The following MADD variants were observed in gnomAD, a reference collection of about 807,000 sequenced individuals.
MADD encodes MAP kinase-activating death domain protein.
In MADD, 109 loss-of-function variants were observed where a neutral mutation model predicts 176.7. The ratio of observed to expected loss-of-function variants is 0.62; its 90% confidence interval spans 0.53 to 0.72. MADD has a LOEUF of 0.72. MADD is among the 30% of genes least tolerant of loss of function. The pLI, the probability that MADD is intolerant of heterozygous loss-of-function variation, is 0.00. For synonymous variants in MADD, 771 were observed against 771.3 expected (o/e 1.00, Z 0.01); for missense variants, 1,914 against 2,045.5 (o/e 0.94, Z 1.24).
chr11:47,282,483 A>G, exon 9 of MADD: 2 of 1,614,204 alleles, frequency 1.2e-6, no homozygotes, highest in South Asian at 1.1e-5. Flanking sequence ...TAGCTTTTCA[A>G]GCTGGCTCCT....
chr11:47,304,233 C>CT lies in MADD; in HGVS notation c.3643-4344dup, dbSNP rs757249187. On this transcript the variant is annotated intron_variant, in intron 22 of 32. Transcript: ENST00000402192. ...TTGTAGTTCTCTATTGTATTTTTTC[C>CT]TTTTTTTTTTTTTTGAGACGGAGTT... Among the ~76,000 whole-genome samples, 228 of 139,808 alleles carry CT rather than the reference C, an allele frequency of 1.6e-3. 1 individual carries two copies. The highest frequency in any genetic ancestry group is 4.8e-3 in the South Asian group (21 of 4,380). 91.7% of individuals were successfully genotyped at this position (139,808 alleles called of 152,430 possible).
intron 22 of MADD, among the ~76,000 whole-genome samples, chr11:47,306,310 C>G (rs1413516199): frequency 6.6e-6 from 1 of 152,152 alleles, no homozygotes; most frequent in Non-Finnish European, 1.5e-5. Flanking sequence ...GTGGCTTAGC[C>G]TCAGGAATGA....
chr11:47,297,441 T>A (rs1404417985), intron 22 of MADD, among the ~76,000 whole-genome samples: 8 of 151,462 alleles, frequency 5.3e-5, no homozygotes, highest in South Asian at 4.2e-4. Flanking sequence ...AGGGGTTTTC[T>A]TTTCTTTTCT....
At chr11:47,303,130 C>T (rs1357321012) in intron 22 of MADD, among the ~76,000 whole-genome samples, 3 of 151,520 alleles carry the variant, frequency 2.0e-5, no homozygotes, top group African/African-American at 7.3e-5. Context: ...TTTCTTGCAG[C>T]GCTTTGAATA....
rs1565247990 is a variant in MADD, at chr11:47,273,947, ACTTG to A, written c.34_37del (p.Leu12ThrfsTer3). 1 of 1,614,006 alleles carries A rather than the reference ACTTG, an allele frequency of 6.2e-7. No homozygotes were observed. Reference sequence around the variant, plus strand: ...AAAAGAAGAAGTTCTGTCCTCGGTTACTTGACTATCTAGTGATCGTAGGGGCCAG... The same window carrying A: ...AAAAGAAGAAGTTCTGTCCTCGGTTAACTATCTAGTGATCGTAGGGGCCAG... On this transcript the variant is annotated frameshift_variant, in exon 2 of 33. Transcript: ENST00000402192. LOFTEE classifies it high-confidence loss of function.
chr11:47,302,811 TA>T (rs1236247203), intron 22 of MADD, among the ~76,000 whole-genome samples: 5 of 152,228 alleles, frequency 3.3e-5, no homozygotes, highest in African/African-American at 9.6e-5. Context: ...GTTTTCTGAT[TA>T]TTTTGTATGT....
intron 13 of MADD, 68 bp from the exon 14 acceptor site, chr11:47,285,383 A>G (rs1015367785): frequency 5.9e-5 from 94 of 1,603,068 alleles, no homozygotes; most frequent in Non-Finnish European, 7.7e-5. Flanking sequence ...GTATAGCATA[A>G]TTATGGCCCA....
intron 27 of MADD, among the ~76,000 whole-genome samples, chr11:47,319,462 C>CT: frequency 6.6e-6 from 1 of 152,056 alleles, no homozygotes. Context: ...CTTTGTTGCC[C>CT]TTTTTTTAGT....
At chr11:47,273,695 G>A in intron 1 of MADD, 132 bp from the exon 2 acceptor site, 1 of 476,726 alleles carries the variant, frequency 2.1e-6, no homozygotes, top group East Asian at 3.3e-5. Flanking sequence ...GGCTAGGCAA[G>A]CGTCAAGTTC....
chr11:47,328,425 G>A, intron 31 of MADD: 1 of 1,427,850 alleles, frequency 7.0e-7, no homozygotes, highest in Non-Finnish European at 9.1e-7. Context: ...AAACGCCACT[G>A]CGGATGACAG....
chr11:47,274,995 G>A (rs760169465), exon 3 of MADD: 18 of 1,614,182 alleles, frequency 1.1e-5, no homozygotes, highest in Admixed American at 8.3e-5. Flanking sequence ...GGGCCAAGGC[G>A]GGGAGCCGCT....
chr11:47,285,114 T>C (rs938438431), exon 13 of MADD: 2 of 1,613,876 alleles, frequency 1.2e-6, no homozygotes, highest in Non-Finnish European at 1.7e-6. Flanking sequence ...AGCCCCAATA[T>C]GGCTTTCCCC....
chr11:47,282,875 A>G lies in MADD; in HGVS notation c.1768A>G (p.Ile590Val). The G allele has an allele frequency of 2.5e-6, 4 of 1,614,078 alleles. No homozygotes were observed. The highest frequency in any genetic ancestry group is 3.4e-6 in the Non-Finnish European group (4 of 1,180,020). ...GTGGTATGCTCATCAGCTGCAGCCT[A>G]TCCACTATCGCGTCTATGACAGCAA... The change falls in exon 10 of 33, where the codon ATC becomes GTC. Residue 590 changes from isoleucine (I) to valine (V), a missense_variant. Physicochemically the swap from Ile to Val is conservative, Grantham distance 29. Coordinates refer to ENST00000402192, the Ensembl canonical transcript of MADD.
Position 47,285,510 on chromosome 11 carries a change from C to G in MADD, c.2471C>G (p.Ser824Ter). 6.2e-7 allele frequency: 1 copy of G among 1,614,160 alleles called. No homozygotes were observed. Among genetic ancestry groups the G allele is most frequent in the Non-Finnish European group, 8.5e-7 (1 of 1,180,028 alleles). ...CTGGCAAGTGACTCAGATGCAGAGT[C>G]AGACTCTCGGGCAAGCTCTCCCAAC... Residue 824 changes from serine to a stop codon, truncating the protein, a stop_gained, in exon 14 of 33, where the codon TCA becomes TGA. Coordinates refer to ENST00000402192, the Ensembl canonical transcript of MADD. LOFTEE classifies it high-confidence loss of function.
chr11:47,275,194 A>G (rs750487925), intron 3 of MADD, 35 bp downstream of exon 3: 5 of 1,556,028 alleles, frequency 3.2e-6, no homozygotes, highest in Non-Finnish European at 3.5e-6. Context: ...TGGGGGAAGC[A>G]TTTAGAGATT....
chr11:47,270,663 A>C, intron 1 of MADD: 1 of 152,232 alleles, frequency 6.6e-6, no homozygotes, highest in East Asian at 1.9e-4. Flanking sequence ...TTGGTTCTCA[A>C]GAAATTTTTT....
chr11:47,272,337 C>G (rs552882913), intron 1 of MADD: 3 of 152,176 alleles, frequency 2.0e-5, no homozygotes, highest in Non-Finnish European at 4.4e-5. Flanking sequence ...AGAGGTATTG[C>G]AAATAGGTCT....
At chr11:47,283,345 G>T (rs780762067) in intron 10 of MADD, among the ~76,000 whole-genome samples, 2 of 151,798 alleles carry the variant, frequency 1.3e-5, no homozygotes, top group Non-Finnish European at 2.9e-5. Flanking sequence ...TGCCCGCCTC[G>T]GCCTCCCAAA....
chr11:47,294,669 CAA>C (rs58253961), intron 20 of MADD, among the ~76,000 whole-genome samples: 51 of 56,020 alleles, frequency 9.1e-4, no homozygotes, highest in Non-Finnish European at 1.3e-3. Flanking sequence ...GACTCCGTCT[CAA>C]AAAAAAAAAA....
Sources: gnomAD v4.1 joint callset for allele counts (sites outside exome capture counted in the v4.1 genomes callset) on GRCh38, gnomAD v4.1.1 for gene constraint, MANE v1.5 for transcripts, NCBI Gene and HGNC (gene_info 2026-07-23, HGNC 2026-07-21) for gene names.